Variants in CTIF observed in about 807,000 individuals in gnomAD.
CTIF encodes cap binding complex dependent translation initiation factor, also known as CBP80/20-dependent translation initiation factor.
CTIF carries 21 observed loss-of-function variants against 66.0 expected under a neutral mutation model. The ratio of observed to expected loss-of-function variants is 0.32; its 90% confidence interval spans 0.23 to 0.46. CTIF has a LOEUF of 0.46. Ranked by LOEUF, CTIF falls within the 20% of genes least tolerant of loss-of-function variation. The pLI is 1.00. For missense variants in CTIF, 739 were observed against 812.7 expected, an observed-to-expected ratio of 0.91 and a Z score of 1.10; for synonymous variants, 345 against 326.4, an observed-to-expected ratio of 1.06 and a Z score of -0.62.
chr18:48,828,818 A>T (rs758778145), intron 10 of CTIF, among the ~76,000 whole-genome samples: 13 of 152,182 alleles, frequency 8.5e-5, no homozygotes, highest in Non-Finnish European at 1.3e-4. Flanking sequence ...GGGGGCAGTG[A>T]GGGCAGTAGG....
intron 9 of CTIF, among the ~76,000 whole-genome samples, chr18:48,779,794 A>T (rs979459865): frequency 2.6e-5 from 4 of 152,092 alleles, no homozygotes; most frequent in Non-Finnish European, 4.4e-5. Context: ...CTTCCTTCCC[A>T]CTGGGCTGGT....
chr18:48,592,906 C>G (rs183629670), intron 1 of CTIF, among the ~76,000 whole-genome samples: 1 of 152,180 alleles, frequency 6.6e-6, no homozygotes, highest in Non-Finnish European at 1.5e-5. Context: ...CCTCTTGTTC[C>G]GGAGAGGCAG....
chr18:48,689,310 T>C (rs1477262902), intron 6 of CTIF, among the ~76,000 whole-genome samples: 2 of 152,194 alleles, frequency 1.3e-5, no homozygotes, highest in Non-Finnish European at 2.9e-5. Flanking sequence ...TCTGATATTG[T>C]CATAAAAATA....
chr18:48,611,007 G>T (rs2090298257), intron 1 of CTIF, among the ~76,000 whole-genome samples: 1 of 152,194 alleles, frequency 6.6e-6, no homozygotes, highest in African/African-American at 2.4e-5. Context: ...GGGAAGGAAG[G>T]TGACTCTCAG....
chr18:48,828,059 G>C lies in CTIF; in HGVS notation c.1527+10683G>C, dbSNP rs1568250673. 2.2e-5 allele frequency among the ~76,000 whole-genome samples: 3 copies of C among 138,890 alleles called. 1 individual carries two copies. The highest frequency in any genetic ancestry group is 1.5e-4 in the Admixed American group (2 of 13,170). The allele number at this position is 138,890 out of a possible 152,430, so 91.1% of individuals were successfully genotyped here. On this transcript the variant is annotated intron_variant, in intron 10 of 11. Coordinates refer to ENST00000256413, the MANE Select transcript of CTIF (RefSeq NM_014772.3). Reference sequence around the variant, plus strand: ...ACCCTTTGACTGTTCTGCTTCCTTAGCCAGACTCTGCAAACTGAAATGTGA... The same window carrying C: ...ACCCTTTGACTGTTCTGCTTCCTTACCCAGACTCTGCAAACTGAAATGTGA...
At chr18:48,585,577 G>A (rs1049453279) in intron 1 of CTIF, among the ~76,000 whole-genome samples, 5 of 152,220 alleles carry the variant, frequency 3.3e-5, no homozygotes, top group African/African-American at 4.8e-5. Flanking sequence ...TGACAGTACT[G>A]TTTCCCCTGG....
intron 3 of CTIF, among the ~76,000 whole-genome samples, chr18:48,655,297 TAAAAAAA>T (rs35564462): frequency 3.8e-5 from 4 of 106,204 alleles, no homozygotes; most frequent in East Asian, 4.7e-4. Flanking sequence ...AGAGCAAGAC[TAAAAAAA>T]AAAAAAAAAA....
chr18:48,779,387 G>A (rs557988335), intron 9 of CTIF, among the ~76,000 whole-genome samples: 1 of 152,340 alleles, frequency 6.6e-6, no homozygotes, highest in East Asian at 1.9e-4. Context: ...CAGCTGGTCA[G>A]TGACAGACAG....
chr18:48,559,468 C>T (rs2089103028), intron 1 of CTIF, among the ~76,000 whole-genome samples: 1 of 152,164 alleles, frequency 6.6e-6, no homozygotes, highest in Non-Finnish European at 1.5e-5. Flanking sequence ...TTTAGGTATT[C>T]TAGTTACTGT....
chr18:48,782,936 G>A (rs1440571700), intron 9 of CTIF, among the ~76,000 whole-genome samples: 1 of 152,232 alleles, frequency 6.6e-6, no homozygotes, highest in Non-Finnish European at 1.5e-5. Context: ...TGGGGCAGGA[G>A]TGGGAAGTGG....
At chr18:48,684,275 CTG>C (rs1302539085) in intron 6 of CTIF, among the ~76,000 whole-genome samples, 1 of 152,174 alleles carries the variant, frequency 6.6e-6, no homozygotes, top group African/African-American at 2.4e-5. Flanking sequence ...TAGTACCTGT[CTG>C]TAACTTACAA....
At chr18:48,625,212 A>C (rs935161118) in intron 2 of CTIF, 39 of 985,188 alleles carry the variant, frequency 4.0e-5, no homozygotes, top group Non-Finnish European at 4.7e-5. Context: ...ATGGTGGACC[A>C]CCCATGAAAG....
intron 10 of CTIF, among the ~76,000 whole-genome samples, chr18:48,824,014 A>ACACACACACACACACACAC (rs1568247737): frequency 1.7e-5 from 1 of 58,100 alleles, no homozygotes; most frequent in Non-Finnish European, 4.6e-5. Context: ...ACACACACAC[A>ACACACACACACACACACAC]AACTGCTAGA....
chr18:48,720,481 C>T lies in CTIF; in HGVS notation c.584+8786C>T, dbSNP rs926025731. Among the ~76,000 whole-genome samples the T allele has an allele frequency of 9.2e-5, 14 of 152,250 alleles. No homozygotes were observed. The South Asian group carries it at 2.9e-3, about 32-fold the overall frequency. On this transcript the variant is annotated intron_variant, in intron 7 of 11. Coordinates refer to ENST00000256413, the MANE Select transcript of CTIF (RefSeq NM_014772.3). The stretch of plus-strand genomic sequence containing the variant: ...CTCACTTTGCCCACGGTTTGTCTTT[C>T]CATCCCAGCAAGGAAATTGCCCTCA...
At chr18:48,642,759 C>G (rs1193416921) in intron 3 of CTIF, among the ~76,000 whole-genome samples, 1 of 152,168 alleles carries the variant, frequency 6.6e-6, no homozygotes, top group Admixed American at 6.5e-5. Context: ...ATTAAACAAC[C>G]AACAACCAAA....
intron 9 of CTIF, among the ~76,000 whole-genome samples, chr18:48,809,545 A>G (rs2068218889): frequency 6.6e-6 from 1 of 152,120 alleles, no homozygotes; most frequent in African/African-American, 2.4e-5. Context: ...GTAACTTACT[A>G]TCATGAGATT....
chr18:48,539,667 G>A (rs111305472), intron 1 of CTIF: 11 of 152,732 alleles, frequency 7.2e-5, no homozygotes, highest in African/African-American at 2.6e-4. Flanking sequence ...GCTCGCTTTG[G>A]AGCTGCGCGG....
intron 1 of CTIF, among the ~76,000 whole-genome samples, chr18:48,595,475 G>C (rs2089972484): frequency 6.6e-6 from 1 of 152,078 alleles, no homozygotes; most frequent in Non-Finnish European, 1.5e-5. Flanking sequence ...CACCCAGGCT[G>C]GAGTGCAGTG....
At chr18:48,688,610 C>T (rs1234130438) in intron 6 of CTIF, among the ~76,000 whole-genome samples, 2 of 152,214 alleles carry the variant, frequency 1.3e-5, no homozygotes, top group East Asian at 1.9e-4. Flanking sequence ...AGGCAAGGCT[C>T]CCAGTGGGGA....
Sources: gnomAD v4.1 joint callset for allele counts (sites outside exome capture counted in the v4.1 genomes callset) on GRCh38, gnomAD v4.1.1 for gene constraint, MANE v1.5 for transcripts, NCBI Gene and HGNC (gene_info 2026-07-23, HGNC 2026-07-21) for gene names.